Variants in IKZF1 observed in about 807,000 individuals in gnomAD.
IKZF1 encodes DNA-binding protein Ikaros.
IKZF1 carries 10 observed loss-of-function variants against 51.7 expected under a neutral mutation model. That is an observed-to-expected ratio of 0.19 (90% CI 0.12 to 0.33). The LOEUF is 0.33. IKZF1 is among the 10% of genes least tolerant of loss of function. The pLI, the probability that IKZF1 is intolerant of heterozygous loss-of-function variation, is 1.00. For synonymous variants in IKZF1, 280 were observed against 282.3 expected (o/e 0.99, Z 0.08); for missense variants, 484 against 707.5 (o/e 0.68, Z 3.58).
rs913281380 is a variant in IKZF1 at position 50,401,601 on chromosome 7, AT to A, written c.*975del. On this transcript the variant is annotated 3_prime_UTR_variant, in exon 8 of 8. Coordinates refer to ENST00000331340, the MANE Select transcript of IKZF1 (RefSeq NM_006060.6). ...ATCTCTTCCTTCCCTGGCTGGTTCC[AT>A]CTAGTACCAGAGGCCTCTTTTCCTG... 4.5e-6 allele frequency: 1 copy of A among 221,104 alleles called. No individual in the cohort carries two copies. Among genetic ancestry groups the A allele is most frequent in the African/African-American group, 2.2e-5 (1 of 44,626 alleles). The allele number at this position is 221,104 out of a possible 1,614,324, so 13.7% of individuals were successfully genotyped here. A position where few individuals can be genotyped will look rare whatever the true frequency, so the allele number is the denominator to read the frequency against.
intron 3 of IKZF1, among the ~76,000 whole-genome samples, chr7:50,355,339 A>G (rs754866321): frequency 6.6e-6 from 1 of 152,208 alleles, no homozygotes; most frequent in African/African-American, 2.4e-5. Context: ...GGTCATCATT[A>G]TCAGTGAGCT....
chr7:50,306,813 A>T (rs1451621479), intron 1 of IKZF1, among the ~76,000 whole-genome samples: 1 of 152,210 alleles, frequency 6.6e-6, no homozygotes, highest in Non-Finnish European at 1.5e-5. Flanking sequence ...TTTGTTCTTG[A>T]TTTGGATGTG....
rs1164151832 is a variant in IKZF1, at chr7:50,402,969, A to C, written c.*2342A>C. 4.4e-6 allele frequency: 1 copy of C among 227,592 alleles called. No individual in the cohort carries two copies. Among genetic ancestry groups the C allele is most frequent in the Admixed American group, 5.7e-5 (1 of 17,612 alleles). The allele number at this position is 227,592 out of a possible 1,614,324, so 14.1% of individuals were successfully genotyped here. A position where few individuals can be genotyped will look rare whatever the true frequency, so the allele number is the denominator to read the frequency against. On this transcript the variant is annotated 3_prime_UTR_variant, in exon 8 of 8. Coordinates refer to ENST00000331340, the MANE Select transcript of IKZF1 (RefSeq NM_006060.6). ...AGTCAGTTTGTTGCAAATTTCACCTACTCTGTTCTTTTCCATCCATCCCCC... is the reference window on the plus strand; with the variant it reads ...AGTCAGTTTGTTGCAAATTTCACCTCCTCTGTTCTTTTCCATCCATCCCCC...
intron 3 of IKZF1, among the ~76,000 whole-genome samples, chr7:50,359,290 G>T (rs1172484128): frequency 6.6e-6 from 1 of 152,166 alleles, no homozygotes; most frequent in South Asian, 2.1e-4. Flanking sequence ...AATAAATTCT[G>T]CAACAAGTCA....
At chr7:50,383,346 A>G (rs1812404589) in intron 5 of IKZF1, among the ~76,000 whole-genome samples, 1 of 152,208 alleles carries the variant, frequency 6.6e-6, no homozygotes, top group Non-Finnish European at 1.5e-5. Flanking sequence ...CAAGATCATC[A>G]TAGGCATAAA....
At chr7:50,303,814 G>A (rs913214830), upstream of IKZF1, among the ~76,000 whole-genome samples, 1 of 151,004 alleles carries the variant, frequency 6.6e-6, no homozygotes, top group Non-Finnish European at 1.5e-5. This position sits in a 1 kb window ranked among gnomAD's most constrained non-coding sequence, Gnocchi z 4.7. Context: ...CGGGTGCAGG[G>A]TGGCGGGCCC....
At chr7:50,364,922 C>A (rs1044582347) in intron 3 of IKZF1, among the ~76,000 whole-genome samples, 3 of 152,196 alleles carry the variant, frequency 2.0e-5, no homozygotes, top group African/African-American at 7.2e-5. Context: ...CTTGACCAGT[C>A]ATTGATTCAC....
chr7:50,335,763 T>C (rs1698746962), intron 3 of IKZF1, among the ~76,000 whole-genome samples: 1 of 151,872 alleles, frequency 6.6e-6, no homozygotes, highest in Non-Finnish European at 1.5e-5. Context: ...ATGGGATGTG[T>C]GGTGTGTCTG....
intron 3 of IKZF1, among the ~76,000 whole-genome samples, chr7:50,341,046 A>G (rs1798946561): frequency 6.6e-6 from 1 of 152,060 alleles, no homozygotes; most frequent in East Asian, 1.9e-4. Flanking sequence ...TCCCATTTCA[A>G]TAACCATGTT....
At chr7:50,317,263 C>T (rs1791820431) in intron 1 of IKZF1, among the ~76,000 whole-genome samples, 1 of 152,188 alleles carries the variant, frequency 6.6e-6, no homozygotes, top group Non-Finnish European at 1.5e-5. Context: ...GTATTTAAGA[C>T]CCGGTGTGTG....
At chr7:50,305,577 C>T (rs10235399) in intron 1 of IKZF1, among the ~76,000 whole-genome samples, 6,787 of 152,242 alleles carry the variant, frequency 0.045, 195 homozygotes, top group Non-Finnish European at 0.064. Flanking sequence ...CGTAGCGATT[C>T]CATAGGGTCT....
upstream of IKZF1, among the ~76,000 whole-genome samples, chr7:50,303,908 A>G (rs1358836242): frequency 2.1e-5 from 3 of 144,362 alleles, no homozygotes; most frequent in African/African-American, 5.0e-5. The surrounding 1 kb of genome is among the most constrained non-coding windows in gnomAD (Gnocchi z 4.7). Flanking sequence ...CGGGTCCCGC[A>G]GCGCCGCGGC....
chr7:50,321,778 C>T (rs976198386), intron 2 of IKZF1, among the ~76,000 whole-genome samples: 2 of 152,058 alleles, frequency 1.3e-5, no homozygotes, highest in Non-Finnish European at 2.9e-5. Flanking sequence ...CCTGATTCTC[C>T]TCTGGTAGTT....
At chr7:50,359,533 A>G (rs994548664) in intron 3 of IKZF1, among the ~76,000 whole-genome samples, 1 of 152,214 alleles carries the variant, frequency 6.6e-6, no homozygotes, top group Non-Finnish European at 1.5e-5. Context: ...TCTGCATGGA[A>G]AAGTCACAGT....
intron 2 of IKZF1, among the ~76,000 whole-genome samples, chr7:50,323,418 A>G (rs1793968216): frequency 6.6e-6 from 1 of 152,256 alleles, no homozygotes; most frequent in Admixed American, 6.5e-5. Flanking sequence ...ATAAAACCTC[A>G]TGCATTTAGG....
chr7:50,368,571 T>G, intron 3 of IKZF1: 1 of 533,988 alleles, frequency 1.9e-6, no homozygotes, highest in Non-Finnish European at 3.3e-6. Flanking sequence ...GGTGCATCGC[T>G]GCTGGAGCCA....
In IKZF1 at chr7:50,317,965, G is replaced by C. The variant is rs538325099; in HGVS notation, c.-14-1083G>C. Among the ~76,000 whole-genome samples the C allele has an allele frequency of 5.9e-5, 9 of 152,324 alleles. No individual in the cohort carries two copies. In the South Asian group the frequency reaches 1.9e-3, roughly 32 times the overall value. On this transcript the variant is annotated intron_variant, in intron 1 of 7. Coordinates refer to ENST00000331340, the MANE Select transcript of IKZF1 (RefSeq NM_006060.6). ...AAAAGGGGGACAGGGGGACAACCTG[G>C]TTTAGAGTCAACAAATAGACTGCAT...
intron 2 of IKZF1, among the ~76,000 whole-genome samples, chr7:50,324,137 A>G (rs1383825348): frequency 6.6e-6 from 1 of 152,194 alleles, no homozygotes; most frequent in Non-Finnish European, 1.5e-5. Context: ...AACCAGGCAA[A>G]TTGGTTTAAA....
At chr7:50,366,260 AT>A (rs1806912744) in intron 3 of IKZF1, among the ~76,000 whole-genome samples, 1 of 152,228 alleles carries the variant, frequency 6.6e-6, no homozygotes, top group African/African-American at 2.4e-5. Context: ...TAAAAGTTAA[AT>A]TAAAAAAAAA....
Sources: allele counts gnomAD v4.1 joint callset (sites outside exome capture counted in the v4.1 genomes callset), GRCh38; gene constraint gnomAD v4.1.1; non-coding constraint Gnocchi (gnomAD v3.1); transcripts MANE v1.5; gene names NCBI Gene and HGNC (gene_info 2026-07-23, HGNC 2026-07-21).